MS4A15: variants seen among roughly 807,000 people sequenced by gnomAD.
MS4A15 encodes the protein membrane spanning 4-domains A15.
Under a neutral mutation model 20.6 loss-of-function variants are expected in MS4A15, and 22 were observed. The ratio of observed to expected loss-of-function variants is 1.07; its 90% CI spans 0.76 to 1.52. The LOEUF (loss-of-function observed/expected upper bound fraction) is 1.52, where lower values mean the gene tolerates loss of function less well. Among genes scored for constraint, MS4A15 ranks in the 40% most tolerant of loss-of-function variants. MS4A15 has a pLI of 0.00. For missense variants in MS4A15, 312 were observed against 323.0 expected (o/e 0.97, Z 0.26); for synonymous variants, 129 against 129.3 (o/e 1.00, Z 0.02).
At chr11:60,773,534 G>A (rs1173573173) in intron 5 of MS4A15, 50 bp downstream of exon 5, 2 of 1,541,260 alleles carry the variant, frequency 1.3e-6, no homozygotes, top group African/African-American at 1.4e-5. Flanking sequence ...AAATGATGCA[G>A]CCATGTCCAG....
chr11:60,767,695 C>A, intron 3 of MS4A15, 40 bp downstream of exon 3: 1 of 1,501,754 alleles, frequency 6.7e-7, no homozygotes, highest in Non-Finnish European at 8.9e-7. Context: ...TAGGGGGATG[C>A]TGCCCAGGCT....
intron 1 of MS4A15, 99 bp from the exon 2 acceptor site, chr11:60,763,607 C>A: frequency 1.0e-6 from 1 of 967,212 alleles, no homozygotes; most frequent in Non-Finnish European, 1.5e-6. Flanking sequence ...GCCATACTGG[C>A]AGGGCTGCAG....
intron 4 of MS4A15, 93 bp downstream of exon 4, chr11:60,771,440 C>A: frequency 2.5e-6 from 4 of 1,575,192 alleles, no homozygotes; most frequent in Non-Finnish European, 3.4e-6. Context: ...TCCTTCAGCT[C>A]ATTCCCCAGC....
chr11:60,775,605 C>T lies in MS4A15; in HGVS notation c.613C>T (p.Pro205Ser). The T allele has an allele frequency of 6.2e-7, 1 of 1,613,542 alleles. No homozygotes were observed. The highest frequency in any genetic ancestry group is 1.6e-4 in the Middle Eastern group (1 of 6,062). ...ACGCTCAGTGCTGTTTTCTTTGCAG[C>T]CTGTGATCTTCCTGCCAAACGCCTT... ...CQAIHAQASA[P>S]VIFLPNAFSA... The change falls in exon 7 of 7, where the codon CCT becomes TCT. Residue 205 changes from proline (P) to serine (S), a missense_variant and splice_region_variant. By Grantham distance (74) the Pro-to-Ser change is moderately conservative (BLOSUM62 -1). Transcript: ENST00000405633.
chr11:60,761,682 G>A (rs1484680277), intron 1 of MS4A15, among the ~76,000 whole-genome samples: 1 of 152,120 alleles, frequency 6.6e-6, no homozygotes, highest in East Asian at 1.9e-4. Flanking sequence ...ACCCAAATTT[G>A]GAGATTAGAA....
At chr11:60,774,435 A>G (rs1854131842) in intron 6 of MS4A15, among the ~76,000 whole-genome samples, 1 of 152,002 alleles carries the variant, frequency 6.6e-6, no homozygotes, top group Non-Finnish European at 1.5e-5. Context: ...AACAAAACCA[A>G]AGACGTCTTC....
At chr11:60,764,093 A>G (rs970512854) in intron 2 of MS4A15, 135 bp downstream of exon 2, 2 of 782,350 alleles carry the variant, frequency 2.6e-6, no homozygotes, top group Non-Finnish European at 4.1e-6. Flanking sequence ...GCCATGCACC[A>G]GGTAGACAAG....
Position 60,763,970 on chromosome 11 carries a change from C to G in MS4A15, c.225+12C>G, listed in dbSNP as rs779508555. 2 of 1,605,208 alleles carry G rather than the reference C, an allele frequency of 1.2e-6. No homozygotes were observed. The highest frequency in any genetic ancestry group is 4.5e-5 in the East Asian group (2 of 44,698). ...CCAAAGTTTTGGGGGTAAGAACAGCCTCTCTGCACAACCTGAGGCAGGTAG... is the reference window on the plus strand; with the variant it reads ...CCAAAGTTTTGGGGGTAAGAACAGCGTCTCTGCACAACCTGAGGCAGGTAG... On this transcript the variant is annotated intron_variant, in intron 2 of 6. Coordinates refer to ENST00000405633, the MANE Select transcript of MS4A15 (RefSeq NM_001098835.2).
intron 4 of MS4A15, chr11:60,771,689 A>C (rs956675740): frequency 2.2e-5 from 30 of 1,349,080 alleles, no homozygotes; most frequent in African/African-American, 2.9e-5. Context: ...GGAAAGCTGG[A>C]GAATGCACGG....
intron 2 of MS4A15, among the ~76,000 whole-genome samples, chr11:60,766,597 C>G (rs1298009310): frequency 6.6e-6 from 1 of 152,198 alleles, no homozygotes; most frequent in African/African-American, 2.4e-5. Flanking sequence ...GACACCATGC[C>G]ATGCTGTGCC....
Position 60,773,934 on chromosome 11 carries a change from A to G in MS4A15, c.596A>G (p.His199Arg), listed in dbSNP as rs1854115112. The G allele has an allele frequency of 6.2e-7, 1 of 1,613,820 alleles. No homozygotes were observed. Among genetic ancestry groups the G allele is most frequent in the African/African-American group, 1.3e-5 (1 of 74,856 alleles). ...ATGCACTTCGGGTGCCAAGCCATCC[A>G]TGCCCAGGCCAGTGCAGTGAGTACC... is the stretch of plus-strand genomic sequence containing the variant. The part of the protein sequence containing the change: ...IAMHFGCQAI[H>R]AQASAPVIFL... Residue 199 changes from histidine to arginine, a missense_variant, in exon 6 of 7, where the codon CAT (histidine) becomes CGT (arginine). Physicochemically the swap from His to Arg is conservative, Grantham distance 29. Transcript: ENST00000405633.
chr11:60,773,047 G>A (rs1301374130), intron 4 of MS4A15, among the ~76,000 whole-genome samples: 3 of 152,164 alleles, frequency 2.0e-5, no homozygotes, highest in Non-Finnish European at 2.9e-5. Flanking sequence ...CTTCTCCTGC[G>A]AGGTGCTGGG....
At chr11:60,771,784 TCAGA>T (rs928965754) in intron 4 of MS4A15, 4 of 1,204,192 alleles carry the variant, frequency 3.3e-6, no homozygotes, top group Non-Finnish European at 4.2e-6. Context: ...TGGAAAGAAA[TCAGA>T]CAGAGAGATT....
rs765231115 is a variant in MS4A15, at chr11:60,767,544, C to A, written c.237C>A (p.Ile79=). Residue 79 remains isoleucine (I), a synonymous_variant, in exon 3 of 7, where the codon ATC becomes ATA. Coordinates refer to ENST00000405633, the MANE Select transcript of MS4A15 (RefSeq NM_001098835.2). ...GEPKVLGTVQ[I]LIGLIHLGFG... is the part of the protein sequence containing the mutation. ...GGGGCTTCCCGCAGACGGTGCAGAT[C>A]CTCATCGGCCTCATCCACCTAGGCT... is the stretch of plus-strand genomic sequence containing the variant. 4 of 1,545,418 alleles carry A rather than the reference C, an allele frequency of 2.6e-6. 1 individual carries two copies. The highest frequency in any genetic ancestry group is 2.4e-5 in the South Asian group (2 of 82,704).
At position 60,767,625 on chromosome 11, in the gene MS4A15, G is replaced by C. The variant is rs1853917276; in HGVS notation, c.318G>C (p.Glu106Asp). 3 of 1,556,680 alleles carry C rather than the reference G, an allele frequency of 1.9e-6. No individual in the cohort carries two copies. Among genetic ancestry groups the C allele is most frequent in the Non-Finnish European group, 2.6e-6 (3 of 1,149,636 alleles). ...GCCACGTGGGCATCTTCTTCATCGA[G>C]GGCGGCGTCCCCTTCTGGGGAGGAG... ...RRGHVGIFFI[E>D]GGVPFWGGAC... The change falls in exon 3 of 7, where the codon GAG (glutamate) becomes GAC (aspartate). Residue 106 changes from glutamate to aspartate, a missense_variant. By Grantham distance (45) the Glu-to-Asp change is conservative. Transcript: ENST00000405633.
At position 60,774,414 on chromosome 11, in the gene MS4A15, T is replaced by C. The variant is rs149930178; in HGVS notation, c.612+464T>C. 1.3e-3 allele frequency among the ~76,000 whole-genome samples: 200 copies of C among 152,210 alleles called. 1 individual carries two copies. Among genetic ancestry groups the C allele is most frequent in the Middle Eastern group, 0.01 (3 of 294 alleles). ...GCCTGGGTGACAGAGGAAGGCTGTC[T>C]CTAAAACCAAAACAAAACCAAAGAC... is the stretch of plus-strand genomic sequence containing the variant. On this transcript the variant is annotated intron_variant, in intron 6 of 6. Coordinates refer to ENST00000405633, the MANE Select transcript of MS4A15 (RefSeq NM_001098835.2).
intron 2 of MS4A15, among the ~76,000 whole-genome samples, chr11:60,764,322 AG>A (rs1853828123): frequency 6.6e-6 from 1 of 152,102 alleles, no homozygotes; most frequent in African/African-American, 2.4e-5. Flanking sequence ...CTGGAGAGGG[AG>A]GGCTCACCAG....
Position 60,775,656 on chromosome 11 carries a change from C to T in MS4A15, c.664C>T (p.Pro222Ser). The T allele has an allele frequency of 1.2e-6, 2 of 1,614,018 alleles. No individual in the cohort carries two copies. Among genetic ancestry groups the T allele is most frequent in the South Asian group, 1.1e-5 (1 of 91,078 alleles). Reference protein sequence around the residue: ...AFSADFNIPSPAASAPPAYDN... With the variant: ...AFSADFNIPSSAASAPPAYDN... ...CAGCGCAGACTTCAACATCCCCAGC[C>T]CGGCAGCCTCTGCGCCCCCTGCCTA... Residue 222 changes from proline (P) to serine (S), a missense_variant, in exon 7 of 7, where the codon CCG (proline) becomes TCG (serine). Transcript: ENST00000405633.
At chr11:60,764,713 A>C (rs1853838078) in intron 2 of MS4A15, among the ~76,000 whole-genome samples, 1 of 152,204 alleles carries the variant, frequency 6.6e-6, no homozygotes, top group Non-Finnish European at 1.5e-5. Context: ...GATCAAGACC[A>C]ACCTGGCCAA....
Sources: allele counts gnomAD v4.1 joint callset (sites outside exome capture counted in the v4.1 genomes callset), GRCh38; gene constraint gnomAD v4.1.1; transcripts MANE v1.5; gene names NCBI Gene and HGNC (gene_info 2026-07-23, HGNC 2026-07-21).